Variants in PTPRD observed in about 807,000 individuals in gnomAD.
PTPRD encodes protein tyrosine phosphatase receptor type D, also known as receptor-type tyrosine-protein phosphatase delta.
PTPRD carries 34 observed loss-of-function variants against 214.5 expected under a neutral mutation model. The ratio of observed to expected loss-of-function variants is 0.16; its 90% CI spans 0.12 to 0.21. PTPRD has a LOEUF of 0.21. PTPRD is among the 10% of genes least tolerant of loss of function. The pLI is 1.00. For missense variants in PTPRD, 2,545 were observed against 2,398.7 expected (o/e 1.06, Z -1.27); for synonymous variants, 1,128 against 845.7 (o/e 1.33, Z -5.79).
intron 14 of PTPRD, among the ~76,000 whole-genome samples, chr9:8,621,922 G>T (rs184689428): frequency 1.9e-3 from 281 of 151,834 alleles, no homozygotes; most frequent in African/African-American, 6.5e-3. Flanking sequence ...ATATGCTAAT[G>T]GCCTTTCCTC....
At chr9:8,768,909 A>G (rs7859115) in intron 11 of PTPRD, among the ~76,000 whole-genome samples, 7,024 of 152,266 alleles carry the variant, frequency 0.046, 407 homozygotes, top group African/African-American at 0.13. Flanking sequence ...CTGACTTACT[A>G]AGGGTAGTCT....
At chr9:10,237,522 TA>T (rs2099633025) in intron 3 of PTPRD, among the ~76,000 whole-genome samples, 2 of 151,942 alleles carry the variant, frequency 1.3e-5, no homozygotes, top group South Asian at 4.1e-4. Context: ...CTTATTTGTT[TA>T]AAAATTTAAG....
chr9:9,959,949 G>C (rs1042208933), intron 4 of PTPRD, among the ~76,000 whole-genome samples: 3 of 152,152 alleles, frequency 2.0e-5, no homozygotes, highest in Non-Finnish European at 4.4e-5. Flanking sequence ...CATGGGTTAT[G>C]ATTAAGCACA....
At chr9:9,180,628 G>A (rs1426145465) in intron 10 of PTPRD, among the ~76,000 whole-genome samples, 3 of 152,012 alleles carry the variant, frequency 2.0e-5, no homozygotes, top group Admixed American at 2.0e-4. Context: ...TATATTTTGT[G>A]TTAGATGGCT....
Position 9,937,623 on chromosome 9 carries a change from A to G in PTPRD, c.-368+884T>C, listed in dbSNP as rs944145252. Among the ~76,000 whole-genome samples the G allele has an allele frequency of 5.9e-5, 9 of 152,296 alleles. No homozygotes were observed. In the East Asian group the frequency reaches 1.7e-3, roughly 29 times the overall value. On this transcript the variant is annotated intron_variant, in intron 5 of 45. Coordinates refer to ENST00000381196, the MANE Select transcript of PTPRD (RefSeq NM_002839.4). ...GGAGGAGGGATTGTTGAGGTATTTC[A>G]TAAATAGACCAAATACTTATTACAT...
intron 5 of PTPRD, among the ~76,000 whole-genome samples, chr9:9,898,212 T>G (rs934721373): frequency 7.2e-5 from 11 of 152,198 alleles, no homozygotes; most frequent in Admixed American, 5.2e-4. Flanking sequence ...CACAGAAATA[T>G]AGAGGTCTAT....
chr9:8,738,095 A>G (rs958908584), intron 11 of PTPRD, among the ~76,000 whole-genome samples: 1 of 152,190 alleles, frequency 6.6e-6, no homozygotes, highest in Non-Finnish European at 1.5e-5. Flanking sequence ...CTGAATTCCA[A>G]TTAACTGAAT....
chr9:10,307,567 G>A (rs1346745363), intron 3 of PTPRD, among the ~76,000 whole-genome samples: 1 of 152,022 alleles, frequency 6.6e-6, no homozygotes, highest in East Asian at 1.9e-4. Flanking sequence ...TTTTCCTTCA[G>A]TAGTGGGATT....
intron 11 of PTPRD, among the ~76,000 whole-genome samples, chr9:8,986,205 T>G (rs1208450340): frequency 6.6e-6 from 1 of 152,066 alleles, no homozygotes; most frequent in Non-Finnish European, 1.5e-5. Context: ...GGTATCTGTT[T>G]CTCAACTGTC....
At chr9:8,927,473 C>T (rs1424210180) in intron 11 of PTPRD, among the ~76,000 whole-genome samples, 1 of 152,112 alleles carries the variant, frequency 6.6e-6, no homozygotes, top group Admixed American at 6.6e-5. Context: ...GTTTCCTGTT[C>T]CTGTGTTAGT....
chr9:10,604,301 T>G (rs1051435101), intron 2 of PTPRD, among the ~76,000 whole-genome samples: 1 of 151,878 alleles, frequency 6.6e-6, no homozygotes, highest in Non-Finnish European at 1.5e-5. Flanking sequence ...TATCTGTATC[T>G]ATAATACCAT....
chr9:10,016,393 A>ATAGGTAGACAGATAGG (rs145613848), intron 4 of PTPRD, among the ~76,000 whole-genome samples: 1 of 149,902 alleles, frequency 6.7e-6, no homozygotes. Flanking sequence ...AGATAGATAG[A>ATAGGTAGACAGATAGG]TAGACAGATA....
intron 3 of PTPRD, among the ~76,000 whole-genome samples, chr9:10,170,847 T>C (rs994947288): frequency 6.6e-6 from 1 of 152,202 alleles, no homozygotes; most frequent in African/African-American, 2.4e-5. Flanking sequence ...TAATAGACAT[T>C]ATGGATGGGT....
At chr9:8,757,760 G>C (rs1028529280) in intron 11 of PTPRD, among the ~76,000 whole-genome samples, 2 of 151,380 alleles carry the variant, frequency 1.3e-5, no homozygotes, top group Non-Finnish European at 2.9e-5. Flanking sequence ...GTGGATATTG[G>C]TGAACTAGAT....
chr9:10,417,342 C>G (rs1410399111), intron 2 of PTPRD, among the ~76,000 whole-genome samples: 1 of 151,796 alleles, frequency 6.6e-6, no homozygotes, highest in East Asian at 2.0e-4. Flanking sequence ...GCCTTGTAAA[C>G]TTTGTTGGAT....
At chr9:10,306,479 A>C (rs974838756) in intron 3 of PTPRD, among the ~76,000 whole-genome samples, 1 of 152,116 alleles carries the variant, frequency 6.6e-6, no homozygotes, top group Non-Finnish European at 1.5e-5. Flanking sequence ...CTTTCTAAAT[A>C]GTTCTCATTA....
At chr9:8,429,748 C>T (rs2094922236) in intron 35 of PTPRD, among the ~76,000 whole-genome samples, 1 of 152,148 alleles carries the variant, frequency 6.6e-6, no homozygotes, top group Non-Finnish European at 1.5e-5. Context: ...AGACAGTCCA[C>T]ATCCAGAGAC....
intron 8 of PTPRD, among the ~76,000 whole-genome samples, chr9:9,525,858 C>G (rs943337374): frequency 1.3e-5 from 2 of 150,870 alleles, no homozygotes; most frequent in African/African-American, 2.4e-5. Flanking sequence ...TCAAACACAA[C>G]TTGACTGCTT....
intron 10 of PTPRD, among the ~76,000 whole-genome samples, chr9:9,127,101 C>T (rs912990799): frequency 3.3e-5 from 5 of 151,964 alleles, no homozygotes; most frequent in African/African-American, 1.2e-4. Flanking sequence ...CACTCACACA[C>T]ACATACACAC....
Sources: gnomAD v4.1 joint callset for allele counts (sites outside exome capture counted in the v4.1 genomes callset) on GRCh38, gnomAD v4.1.1 for gene constraint, MANE v1.5 for transcripts, NCBI Gene and HGNC (gene_info 2026-07-23, HGNC 2026-07-21) for gene names.